ENDOU: variants seen among roughly 807,000 people sequenced by gnomAD.
ENDOU encodes uridylate-specific endoribonuclease.
In ENDOU, 49 loss-of-function variants were observed where a neutral mutation model predicts 54.2. The ratio of observed to expected loss-of-function variants is 0.90; its 90% CI spans 0.72 to 1.15. The LOEUF (loss-of-function observed/expected upper bound fraction) is 1.15. Ranked by LOEUF, ENDOU falls within the 50% of genes most tolerant of loss-of-function variation. ENDOU has a pLI of 0.00. For missense variants in ENDOU, 458 were observed against 511.4 expected, an observed-to-expected ratio of 0.90 and a Z score of 1.01; for synonymous variants, 172 against 190.5, an observed-to-expected ratio of 0.90 and a Z score of 0.80.
chr12:47,720,659 T>G, intron 2 of ENDOU, 94 bp downstream of exon 2: 1 of 1,373,402 alleles, frequency 7.3e-7, no homozygotes, highest in Non-Finnish European at 9.8e-7. Context: ...TTAGAGCCCC[T>G]GTGAGTCCTG....
Position 47,712,498 on chromosome 12 carries a change from T to C in ENDOU, c.972+18A>G, listed in dbSNP as rs1296756876. 6.3e-7 allele frequency: 1 copy of C among 1,577,828 alleles called. No individual in the cohort carries two copies. Among genetic ancestry groups the C allele is most frequent in the African/African-American group, 1.3e-5 (1 of 74,142 alleles). On this transcript the variant is annotated intron_variant, in intron 8 of 9. Transcript: ENST00000422538. ...GATATCTGGGCTCTGACAAGGCTTT[T>C]CTAGTCCGTGTACTCACAGGCCCAT...
In ENDOU at chr12:47,716,448, G is replaced by A; in HGVS notation, c.603C>T (p.Ala201=). 1 of 1,614,108 alleles carries A rather than the reference G, an allele frequency of 6.2e-7. No individual in the cohort carries two copies. Among genetic ancestry groups the A allele is most frequent in the Admixed American group, 1.7e-5 (1 of 60,034 alleles). ...GGTAGTTGTTGAGGAGGTTGATGAA[G>A]GCTGCATAGGTGGGCTTGGAGAACA... ...EKLFSKPTYA[A]FINLLNNYQR... The change falls in exon 6 of 10, where the codon GCC becomes GCT. Residue 201 remains alanine, a synonymous_variant. Coordinates refer to ENST00000422538, the MANE Select transcript of ENDOU (RefSeq NM_001172439.2).
Position 47,713,174 on chromosome 12 carries a change from C to T in ENDOU, c.865+101G>A. 34 of 815,724 alleles carry T rather than the reference C, an allele frequency of 4.2e-5. No individual in the cohort carries two copies. In the South Asian group the frequency reaches 5.0e-4, roughly 12 times the overall value. 50.5% of individuals were successfully genotyped at this position (815,724 alleles called of 1,614,324 possible). On this transcript the variant is annotated intron_variant, in intron 7 of 9. Coordinates refer to ENST00000422538, the MANE Select transcript of ENDOU (RefSeq NM_001172439.2). ...GCGTGGGTCCCTCCCTACTAGCTGG[C>T]TGGACTGCTGATTAATCCACACCCA...
chr12:47,712,445 G>A lies in ENDOU; in HGVS notation c.972+71C>T, dbSNP rs555763922. The A allele has an allele frequency of 2.6e-4, 315 of 1,216,722 alleles. 1 individual carries two copies. In the African/African-American group the frequency reaches 3.6e-3, roughly 14 times the overall value. 75.4% of individuals were successfully genotyped at this position (1,216,722 alleles called of 1,614,324 possible). ...TGAGAGTCAGGCTGAGAGGCAAGTCGACAGTTTGGAACACAGAGTGAGAGC... is the reference window on the plus strand; with the variant it reads ...TGAGAGTCAGGCTGAGAGGCAAGTCAACAGTTTGGAACACAGAGTGAGAGC... On this transcript the variant is annotated intron_variant, in intron 8 of 9. Transcript: ENST00000422538.
Position 47,713,399 on chromosome 12 carries a change from A to T in ENDOU, c.752-11T>A. On this transcript the variant is annotated splice_polypyrimidine_tract_variant and intron_variant, in intron 6 of 9. Coordinates refer to ENST00000422538, the MANE Select transcript of ENDOU (RefSeq NM_001172439.2). ...CTGAGCCATAGCGATCTGCAGAGGAACACAAAGGGTTTTGGAGAGGGGAGG... is the reference window on the plus strand; with the variant it reads ...CTGAGCCATAGCGATCTGCAGAGGATCACAAAGGGTTTTGGAGAGGGGAGG... 6.2e-7 allele frequency: 1 copy of T among 1,607,422 alleles called. No individual in the cohort carries two copies. Among genetic ancestry groups the T allele is most frequent in the Non-Finnish European group, 8.5e-7 (1 of 1,173,986 alleles).
At chr12:47,714,077 T>A (rs1350234674) in intron 6 of ENDOU, among the ~76,000 whole-genome samples, 1 of 152,250 alleles carries the variant, frequency 6.6e-6, no homozygotes, top group Non-Finnish European at 1.5e-5. Context: ...CTAATTGCTT[T>A]CTGTCCACCT....
At chr12:47,711,048 G>A (rs539957588) in intron 9 of ENDOU, 129 bp from the exon 10 acceptor site, 10 of 528,926 alleles carry the variant, frequency 1.9e-5, no homozygotes, top group African/African-American at 3.8e-5. Flanking sequence ...GACAGAGCTG[G>A]CACTGCTTTC....
chr12:47,714,264 G>C (rs542302850), intron 6 of ENDOU, among the ~76,000 whole-genome samples: 1 of 152,358 alleles, frequency 6.6e-6, no homozygotes, highest in East Asian at 1.9e-4. Context: ...AGTCCACTCA[G>C]TCTAGCTCCA....
rs1332936121 is a variant in ENDOU, at chr12:47,720,830, C to T, written c.101G>A (p.Arg34Gln). ...CASRCNEKFN[R>Q]DAACQCDRRC... ...GCGGTCACACTGGCAGGCAGCGTCC[C>T]GGTTAAATTTCTCATTACATCGAGA... The change falls in exon 2 of 10, where the codon CGG becomes CAG. Residue 34 changes from arginine (R) to glutamine (Q), a missense_variant. Physicochemically the swap from Arg to Gln is conservative, Grantham distance 43. Coordinates refer to ENST00000422538, the MANE Select transcript of ENDOU (RefSeq NM_001172439.2). 3.5e-5 allele frequency: 54 copies of T among 1,535,980 alleles called. No homozygotes were observed. The highest frequency in any genetic ancestry group is 1.7e-4 in the Middle Eastern group (1 of 6,012).
intron 9 of ENDOU, among the ~76,000 whole-genome samples, chr12:47,711,135 A>T (rs1939985266): frequency 6.6e-6 from 1 of 152,230 alleles, no homozygotes. Flanking sequence ...CTTCTTAAAG[A>T]ATGCTGTTCC....
intron 2 of ENDOU, chr12:47,720,435 A>G: frequency 4.7e-6 from 1 of 215,006 alleles, no homozygotes; most frequent in Non-Finnish European, 9.2e-6. Context: ...TAATAATGTC[A>G]TACATACTAA....
In ENDOU at chr12:47,715,906, C is replaced by T. The variant is rs1244891489; in HGVS notation, c.751+394G>A. Among the ~76,000 whole-genome samples the T allele has an allele frequency of 2.0e-5, 3 of 152,132 alleles. No homozygotes were observed. In the East Asian group the frequency reaches 5.8e-4, roughly 29 times the overall value. ...TTGCGGGAGGAGGGAGTAGAGTCAG[C>T]GACTCTACCTGTCTGAAACATGGTG... On this transcript the variant is annotated intron_variant, in intron 6 of 9. Coordinates refer to ENST00000422538, the MANE Select transcript of ENDOU (RefSeq NM_001172439.2).
chr12:47,725,056 G>C (rs927559683), intron 1 of ENDOU, among the ~76,000 whole-genome samples: 1 of 152,132 alleles, frequency 6.6e-6, no homozygotes, highest in Non-Finnish European at 1.5e-5. Flanking sequence ...ACAAAATCTT[G>C]GGGAGATCAA....
chr12:47,725,475 G>T lies in ENDOU; in HGVS notation c.-62C>A. 6.7e-7 allele frequency: 1 copy of T among 1,503,408 alleles called. No individual in the cohort carries two copies. Among genetic ancestry groups the T allele is most frequent in the Non-Finnish European group, 9.2e-7 (1 of 1,081,434 alleles). 93.1% of individuals were successfully genotyped at this position (1,503,408 alleles called of 1,614,324 possible). ...GGACTTTCACTAGAGTCAGATGAAT[G>T]TCACAGCTCTCAGACGAGCCTTATT... On this transcript the variant is annotated 5_prime_UTR_variant, in exon 1 of 10. Transcript: ENST00000422538.
chr12:47,720,734 G>A lies in ENDOU; in HGVS notation c.178+19C>T, dbSNP rs1038262344. The A allele has an allele frequency of 3.9e-5, 60 of 1,535,292 alleles. No individual in the cohort carries two copies. The East Asian group carries it at 5.9e-4, about 15-fold the overall frequency. On this transcript the variant is annotated intron_variant, in intron 2 of 9. Transcript: ENST00000422538. ...CCTTAGACAGGCTGGACATGCCTTC[G>A]TCTCACAAGGAGGCTCACCAGTACA...
At chr12:47,716,164 T>C (rs1940222038) in intron 6 of ENDOU, 136 bp downstream of exon 6, 2 of 840,370 alleles carry the variant, frequency 2.4e-6, no homozygotes. Context: ...TCATCCCTCA[T>C]CCCTCCCAGA....
At chr12:47,713,443 G>T in intron 6 of ENDOU, 55 bp from the exon 7 acceptor site, 1 of 1,243,354 alleles carries the variant, frequency 8.0e-7, no homozygotes, top group Non-Finnish European at 1.2e-6. Context: ...GGTCCTGGGA[G>T]CGCTAAACAG....
At position 47,720,852 on chromosome 12, in the gene ENDOU, GA is replaced by G. The variant is rs1565736671; in HGVS notation, c.78del (p.Arg27AspfsTer110). Reference sequence around the variant, plus strand: ...TCCCGGTTAAATTTCTCATTACATCGAGATGCACAGGATTCTATTTTTCCTA... The same window carrying G: ...TCCCGGTTAAATTTCTCATTACATCGGATGCACAGGATTCTATTTTTCCTA... ...AWAGKIESCASRCNEKFNRDA... is the reference protein window; with the variant it reads ...AWAGKIESCAXRCNEKFNRDA... On this transcript the variant is annotated frameshift_variant, in exon 2 of 10. Transcript: ENST00000422538. LOFTEE classifies it high-confidence loss of function. 3 of 1,536,060 alleles carry G rather than the reference GA, an allele frequency of 2.0e-6. No homozygotes were observed. In the South Asian group the frequency reaches 3.6e-5, roughly 18 times the overall value.
chr12:47,713,951 G>A (rs148447762), intron 6 of ENDOU, among the ~76,000 whole-genome samples: 8 of 152,304 alleles, frequency 5.3e-5, no homozygotes, highest in South Asian at 2.1e-4. Flanking sequence ...GGAGCAGGAG[G>A]GGAGAGTGGT....
Sources: gnomAD v4.1 joint callset for allele counts (sites outside exome capture counted in the v4.1 genomes callset) on GRCh38, gnomAD v4.1.1 for gene constraint, MANE v1.5 for transcripts, NCBI Gene and HGNC (gene_info 2026-07-23, HGNC 2026-07-21) for gene names.